LYPLAL1: variants seen among roughly 807,000 people sequenced by gnomAD.
LYPLAL1 encodes the protein lysophospholipase-like protein 1.
In LYPLAL1, 23 loss-of-function variants were observed where a neutral mutation model predicts 19.7. The ratio of observed to expected loss-of-function variants is 1.17; its 90% confidence interval spans 0.84 to 1.65. The LOEUF is 1.65. LYPLAL1 is among the 40% of genes most tolerant of loss of function. The pLI, the probability that LYPLAL1 is intolerant of heterozygous loss-of-function variation, is 0.00. For synonymous variants in LYPLAL1, 119 were observed against 96.3 expected, an observed-to-expected ratio of 1.24 and a Z score of -1.38; for missense variants, 355 against 279.4, an observed-to-expected ratio of 1.27 and a Z score of -1.93.
chr1:219,369,709 C>T, the LYPLAL1 span, among the ~76,000 whole-genome samples: 2 of 152,206 alleles, frequency 1.3e-5, no homozygotes, highest in Non-Finnish European at 2.9e-5. Context: ...ATGTCCTGGT[C>T]ATATGCACCA....
At chr1:219,312,543 C>A in the LYPLAL1 span, among the ~76,000 whole-genome samples, 1 of 152,088 alleles carries the variant, frequency 6.6e-6, no homozygotes, top group East Asian at 1.9e-4. Context: ...CTGGGAGTGC[C>A]CAGTAGAACC....
At chr1:219,331,058 T>A in the LYPLAL1 span, among the ~76,000 whole-genome samples, 1 of 152,146 alleles carries the variant, frequency 6.6e-6, no homozygotes, top group Non-Finnish European at 1.5e-5. Flanking sequence ...ATCTATTAAA[T>A]GTTCTTCTCA....
chr1:219,211,687 A>G lies in LYPLAL1; in HGVS notation c.673A>G (p.Ile225Val), dbSNP rs1226726357. Residue 225 changes from isoleucine (I) to valine (V), a missense_variant, in exon 5 of 5, where the codon ATT (isoleucine) becomes GTT (valine). Physicochemically the swap from Ile to Val is conservative, Grantham distance 29. Coordinates refer to ENST00000366928, the MANE Select transcript of LYPLAL1 (RefSeq NM_138794.5). Reference sequence around the variant, plus strand: ...TGAGTTAGACATATTGAAGTTATGGATTCTTACAAAGCTGCCAGGAGAAAT... The same window carrying G: ...TGAGTTAGACATATTGAAGTTATGGGTTCTTACAAAGCTGCCAGGAGAAAT... ...KTELDILKLW[I>V]LTKLPGEMEK... 2 of 1,611,876 alleles carry G rather than the reference A, an allele frequency of 1.2e-6. No homozygotes were observed. The highest frequency in any genetic ancestry group is 1.7e-5 in the Admixed American group (1 of 59,576).
At chr1:219,381,974 A>G in the LYPLAL1 span, among the ~76,000 whole-genome samples, 321 of 152,294 alleles carry the variant, frequency 2.1e-3, 3 homozygotes, top group African/African-American at 7.5e-3. Context: ...CTCTGCTAGG[A>G]AAAGGTAAAC....
At chr1:219,318,947 G>A in the LYPLAL1 span, among the ~76,000 whole-genome samples, 1 of 152,176 alleles carries the variant, frequency 6.6e-6, no homozygotes, top group Non-Finnish European at 1.5e-5. Flanking sequence ...GATGGTGTGT[G>A]CTTTGGATCA....
chr1:219,297,226 T>C, the LYPLAL1 span, among the ~76,000 whole-genome samples: 1 of 152,342 alleles, frequency 6.6e-6, no homozygotes, highest in East Asian at 1.9e-4. Flanking sequence ...ACACATAGGA[T>C]TAACAATGGC....
the LYPLAL1 span, among the ~76,000 whole-genome samples, chr1:219,265,148 A>G: frequency 6.6e-6 from 1 of 152,202 alleles, no homozygotes; most frequent in Non-Finnish European, 1.5e-5. Context: ...GAGGGCTGAC[A>G]CAGCATGGGT....
chr1:219,344,171 C>A, the LYPLAL1 span, among the ~76,000 whole-genome samples: 254 of 152,250 alleles, frequency 1.7e-3, no homozygotes, highest in Middle Eastern at 6.8e-3. Flanking sequence ...CTTCTGTATT[C>A]ATTGGTAAAC....
the LYPLAL1 span, among the ~76,000 whole-genome samples, chr1:219,445,411 G>T: frequency 4.6e-5 from 5 of 108,898 alleles, no homozygotes; most frequent in Admixed American, 3.2e-4. Context: ...TTCAAATTGG[G>T]GGGGGGGCGG....
the LYPLAL1 span, among the ~76,000 whole-genome samples, chr1:219,339,705 C>T: frequency 6.6e-6 from 1 of 151,956 alleles, no homozygotes; most frequent in Non-Finnish European, 1.5e-5. Context: ...GTTTAGAAAA[C>T]CTTTGGGCAA....
the LYPLAL1 span, among the ~76,000 whole-genome samples, chr1:219,256,079 A>G: frequency 6.6e-6 from 1 of 151,810 alleles, no homozygotes; most frequent in Admixed American, 6.6e-5. Context: ...GTTTAACTGC[A>G]TCATAAAGTG....
chr1:219,214,994 C>A (rs1290418154), downstream of LYPLAL1, among the ~76,000 whole-genome samples: 2 of 151,990 alleles, frequency 1.3e-5, no homozygotes, highest in Non-Finnish European at 2.9e-5. Context: ...CTGACCCAGG[C>A]AATTTTTCTT....
chr1:219,216,304 T>C (rs530961346), downstream of LYPLAL1, among the ~76,000 whole-genome samples: 3 of 152,304 alleles, frequency 2.0e-5, no homozygotes, highest in East Asian at 1.9e-4. Context: ...TGACTTTTGA[T>C]TGGATTCTAG....
At chr1:219,266,162 A>G in the LYPLAL1 span, among the ~76,000 whole-genome samples, 2 of 151,892 alleles carry the variant, frequency 1.3e-5, no homozygotes, top group Admixed American at 1.3e-4. Context: ...TAAATTTTTG[A>G]CTCTTTTGTA....
chr1:219,215,654 C>A (rs1336138519), downstream of LYPLAL1, among the ~76,000 whole-genome samples: 1 of 152,108 alleles, frequency 6.6e-6, no homozygotes, highest in Admixed American at 6.6e-5. Flanking sequence ...TCTACTCAGA[C>A]TCATAACTGT....
chr1:219,275,070 ACATATTCTATTCT>A, the LYPLAL1 span, among the ~76,000 whole-genome samples: 3 of 152,214 alleles, frequency 2.0e-5, no homozygotes, highest in Non-Finnish European at 4.4e-5. Flanking sequence ...ATGGTTTTCA[ACATATTCTATTCT>A]CCTCTCTCTT....
At chr1:219,178,466 A>G (rs757850997) in intron 1 of LYPLAL1, among the ~76,000 whole-genome samples, 15 of 152,234 alleles carry the variant, frequency 9.9e-5, no homozygotes, top group Non-Finnish European at 2.2e-4. Flanking sequence ...TTAATTGATT[A>G]AAAAATTAAA....
chr1:219,419,984 G>C, the LYPLAL1 span, among the ~76,000 whole-genome samples: 4 of 152,194 alleles, frequency 2.6e-5, no homozygotes, highest in South Asian at 4.1e-4. Flanking sequence ...ACAGGGACCA[G>C]GTCCCCTTGC....
chr1:219,287,536 G>A, the LYPLAL1 span, among the ~76,000 whole-genome samples: 21 of 152,226 alleles, frequency 1.4e-4, 2 homozygotes, highest in African/African-American at 3.9e-4. Flanking sequence ...ACATCTATTA[G>A]ACGCCTACAC....
Sources: gnomAD v4.1 joint callset for allele counts (sites outside exome capture counted in the v4.1 genomes callset) on GRCh38, gnomAD v4.1.1 for gene constraint, MANE v1.5 for transcripts, NCBI Gene and HGNC (gene_info 2026-07-23, HGNC 2026-07-21) for gene names.